The following TCF4 variants were observed in gnomAD, a reference collection of about 807,000 sequenced individuals.
TCF4 encodes SL3-3 enhancer factor 2.
A neutral mutation model predicts 82.1 loss-of-function variants in TCF4; 3 were observed. That is an observed-to-expected ratio of 0.04 (90% CI 0.02 to 0.09). TCF4 has a LOEUF of 0.09. TCF4 is among the 10% of genes least tolerant of loss of function. The probability of loss-of-function intolerance (pLI) is 1.00; values close to 1 mark genes in which losing one functional copy is unlikely to be tolerated. For synonymous variants in TCF4, 276 were observed against 309.6 expected, an observed-to-expected ratio of 0.89 and a Z score of 1.14; for missense variants, 518 against 852.7, an observed-to-expected ratio of 0.61 and a Z score of 4.89.
chr18:55,234,376 A>G lies in TCF4; in HGVS notation c.1486+172T>C, dbSNP rs41483647. 89,493 of 852,966 alleles carry G rather than the reference A, an allele frequency of 0.1. 5,325 individuals carry two copies. The highest frequency in any genetic ancestry group is 0.13 in the African/African-American group (7,496 of 59,220). 52.8% of individuals were successfully genotyped at this position (852,966 alleles called of 1,614,324 possible). On this transcript the variant is annotated intron_variant, in intron 16 of 19. Transcript: ENST00000354452. ...AGGAAAACAGTCCCTGGAGAAACACAATTAGCGGGCGAAGTTCTAAATACT... is the reference window on the plus strand; with the variant it reads ...AGGAAAACAGTCCCTGGAGAAACACGATTAGCGGGCGAAGTTCTAAATACT...
intron 8 of TCF4, among the ~76,000 whole-genome samples, chr18:55,333,795 T>C (rs1241095816): frequency 6.6e-6 from 1 of 152,218 alleles, no homozygotes; most frequent in Admixed American, 6.5e-5. Flanking sequence ...AGGTTTATTT[T>C]ATAGTGAATA....
intron 8 of TCF4, among the ~76,000 whole-genome samples, chr18:55,298,049 TA>T (rs2067056900): frequency 6.6e-6 from 1 of 152,276 alleles, no homozygotes; most frequent in Admixed American, 6.5e-5. Context: ...GTGCTGTATA[TA>T]AAAAAGATTG....
chr18:55,629,518 G>T (rs1411971610), intron 2 of TCF4, among the ~76,000 whole-genome samples: 1 of 152,164 alleles, frequency 6.6e-6, no homozygotes, highest in South Asian at 2.1e-4. Context: ...TGGGGCTTGG[G>T]TGCTAAAATA....
At chr18:55,331,127 G>A (rs2077499181) in intron 8 of TCF4, among the ~76,000 whole-genome samples, 1 of 152,204 alleles carries the variant, frequency 6.6e-6, no homozygotes, top group South Asian at 2.1e-4. Flanking sequence ...TCAGGGAAGA[G>A]ACAGACAGAA....
chr18:55,626,828 G>A (rs1603625678), intron 2 of TCF4, among the ~76,000 whole-genome samples: 1 of 152,166 alleles, frequency 6.6e-6, no homozygotes, highest in East Asian at 1.9e-4. Flanking sequence ...AAATGATAAA[G>A]GAATGTGCTT....
At chr18:55,616,707 T>C (rs981686849) in intron 2 of TCF4, among the ~76,000 whole-genome samples, 3 of 152,128 alleles carry the variant, frequency 2.0e-5, no homozygotes, top group Non-Finnish European at 4.4e-5. Context: ...CTAGTCATGT[T>C]GAGCATCTTT....
chr18:55,479,713 C>T (rs868451562), intron 3 of TCF4, among the ~76,000 whole-genome samples: 1 of 152,116 alleles, frequency 6.6e-6, no homozygotes, highest in South Asian at 2.1e-4. Context: ...CAGGCTAGGA[C>T]CAGAGCCCAC....
chr18:55,625,454 G>A (rs2097725641), intron 2 of TCF4, among the ~76,000 whole-genome samples: 1 of 152,088 alleles, frequency 6.6e-6, no homozygotes, highest in Non-Finnish European at 1.5e-5. Context: ...GGCCAGGATG[G>A]TCTCGATTTC....
intron 3 of TCF4, among the ~76,000 whole-genome samples, chr18:55,541,328 T>C (rs1337257487): frequency 6.6e-6 from 1 of 151,970 alleles, no homozygotes; most frequent in Admixed American, 6.6e-5. Flanking sequence ...TCACTATAAA[T>C]TAGGAGATCA....
rs566892086 is a variant in TCF4 at position 55,300,396 on chromosome 18, G to C, written c.550-20740C>G. On this transcript the variant is annotated intron_variant, in intron 8 of 19. Transcript: ENST00000354452. Reference sequence around the variant, plus strand: ...TCCTGGCGGTCATTTGGAAGGCAGGGGCAGGGAATGCAAAGTGGCAGGGAG... The same window carrying C: ...TCCTGGCGGTCATTTGGAAGGCAGGCGCAGGGAATGCAAAGTGGCAGGGAG... Among the ~76,000 whole-genome samples the C allele has an allele frequency of 1.6e-4, 24 of 147,808 alleles. 1 individual carries two copies. In the South Asian group the frequency reaches 5.3e-3, roughly 33 times the overall value.
chr18:55,416,286 C>T (rs2094523260), intron 5 of TCF4, among the ~76,000 whole-genome samples: 1 of 150,730 alleles, frequency 6.6e-6, no homozygotes, highest in East Asian at 1.9e-4. Context: ...TTAAAATGAA[C>T]AAAGACTACA....
At chr18:55,408,296 C>T (rs759142234) in intron 5 of TCF4, among the ~76,000 whole-genome samples, 21 of 152,146 alleles carry the variant, frequency 1.4e-4, no homozygotes, top group Admixed American at 9.2e-4. Flanking sequence ...GGCTGTTTCA[C>T]TGTTAATCCT....
intron 8 of TCF4, among the ~76,000 whole-genome samples, chr18:55,305,476 T>C (rs1166902410): frequency 6.6e-6 from 1 of 152,142 alleles, no homozygotes; most frequent in Admixed American, 6.6e-5. Context: ...TTAAACCTAA[T>C]CTATTACTTT....
Position 55,226,050 on chromosome 18 carries a change from G to C in TCF4, c.*1985C>G, listed in dbSNP as rs938972413. On this transcript the variant is annotated 3_prime_UTR_variant, in exon 20 of 20. Coordinates refer to ENST00000354452, the MANE Select transcript of TCF4 (RefSeq NM_001083962.2). ...AAAAAAAAACAAAAACTGATACAAT[G>C]TATTAAAACACATAATAACAAGAGT... 1 of 152,234 alleles carries C rather than the reference G, an allele frequency of 6.6e-6. No individual in the cohort carries two copies. Among genetic ancestry groups the C allele is most frequent in the African/African-American group, 2.4e-5 (1 of 41,340 alleles). The allele number at this position is 152,234 out of a possible 1,614,324, so 9.4% of individuals were successfully genotyped here.
At chr18:55,502,364 T>C (rs1472431038) in intron 3 of TCF4, among the ~76,000 whole-genome samples, 1 of 152,244 alleles carries the variant, frequency 6.6e-6, no homozygotes, top group Non-Finnish European at 1.5e-5. Context: ...CAGTTTCATA[T>C]GAGAGGTCCT....
chr18:55,610,988 A>G (rs1220724099), intron 2 of TCF4, among the ~76,000 whole-genome samples: 1 of 152,208 alleles, frequency 6.6e-6, no homozygotes, highest in Non-Finnish European at 1.5e-5. Flanking sequence ...ATTGACACTT[A>G]CCAATTTCAA....
At chr18:55,407,354 A>T (rs2094142455) in intron 5 of TCF4, among the ~76,000 whole-genome samples, 3 of 152,166 alleles carry the variant, frequency 2.0e-5, no homozygotes, top group Admixed American at 1.3e-4. Flanking sequence ...ACAATTTTTT[A>T]AATTAAACAA....
intron 12 of TCF4, chr18:55,261,230 C>T (rs1004692396): frequency 7.1e-6 from 4 of 566,218 alleles, no homozygotes; most frequent in African/African-American, 5.7e-5. Context: ...GAGAATATTC[C>T]CACATCCATA....
At chr18:55,247,112 G>A (rs532421133) in intron 15 of TCF4, among the ~76,000 whole-genome samples, 9 of 152,166 alleles carry the variant, frequency 5.9e-5, no homozygotes, top group East Asian at 1.9e-4. Context: ...TGGGCCATAC[G>A]GTGTATAAGG....
Sources: allele counts gnomAD v4.1 joint callset (sites outside exome capture counted in the v4.1 genomes callset), GRCh38; gene constraint gnomAD v4.1.1; transcripts MANE v1.5; gene names NCBI Gene and HGNC (gene_info 2026-07-23, HGNC 2026-07-21).